NRG1: variants seen among roughly 807,000 people sequenced by gnomAD.
The protein encoded by NRG1 is pro-neuregulin-1, membrane-bound isoform.
Under a neutral mutation model 63.8 loss-of-function variants are expected in NRG1, and 18 were observed. The ratio of observed to expected loss-of-function variants is 0.28; its 90% confidence interval spans 0.19 to 0.42. The LOEUF is 0.42. NRG1 is among the 10% of genes least tolerant of loss of function. The pLI is 1.00. For synonymous variants in NRG1, 302 were observed against 301.3 expected (o/e 1.00, Z -0.02); for missense variants, 762 against 814.7 (o/e 0.94, Z 0.79).
intron 5 of NRG1, among the ~76,000 whole-genome samples, chr8:32,687,292 A>C (rs1202819181): frequency 6.6e-6 from 1 of 152,166 alleles, no homozygotes; most frequent in South Asian, 2.1e-4. Flanking sequence ...AAACTATTTT[A>C]GGAGGAAGGT....
chr8:31,658,073 A>T (rs1475808539), intron 1 of NRG1, among the ~76,000 whole-genome samples: 2 of 152,214 alleles, frequency 1.3e-5, no homozygotes, highest in African/African-American at 4.8e-5. Flanking sequence ...AATCAGATCC[A>T]CTTGGACAAA....
intron 1 of NRG1, among the ~76,000 whole-genome samples, chr8:32,101,391 T>A (rs890111554): frequency 6.6e-6 from 1 of 151,470 alleles, no homozygotes. Flanking sequence ...GAAACAACTA[T>A]GAGGAATAAA....
chr8:32,526,287 T>C (rs1175086959), intron 1 of NRG1, among the ~76,000 whole-genome samples: 1 of 152,246 alleles, frequency 6.6e-6, no homozygotes, highest in Non-Finnish European at 1.5e-5. Flanking sequence ...TCTTGTTCTT[T>C]AGTGACTCTG....
intron 1 of NRG1, among the ~76,000 whole-genome samples, chr8:32,491,427 C>T (rs116522363): frequency 0.013 from 1,928 of 152,214 alleles, 44 homozygotes; most frequent in African/African-American, 0.044. Flanking sequence ...AAAGATGCTT[C>T]ACTGCTTACA....
intron 1 of NRG1, among the ~76,000 whole-genome samples, chr8:31,919,566 G>A (rs1298921008): frequency 1.3e-5 from 2 of 152,070 alleles, no homozygotes; most frequent in Non-Finnish European, 2.9e-5. Context: ...GGAGGCAGCT[G>A]TTAAAATTTG....
chr8:31,823,832 T>C (rs1156316222), intron 1 of NRG1, among the ~76,000 whole-genome samples: 2 of 152,182 alleles, frequency 1.3e-5, no homozygotes, highest in Admixed American at 1.3e-4. Flanking sequence ...GCTATCATTA[T>C]TCCATTTCAA....
intron 1 of NRG1, among the ~76,000 whole-genome samples, chr8:31,876,217 A>G (rs1273414291): frequency 1.3e-5 from 2 of 152,226 alleles, no homozygotes; most frequent in Admixed American, 6.5e-5. Flanking sequence ...CTAAGTTAGG[A>G]TATGACTTAA....
At chr8:32,068,444 GAT>G (rs1347898174) in intron 1 of NRG1, among the ~76,000 whole-genome samples, 1 of 152,172 alleles carries the variant, frequency 6.6e-6, no homozygotes, top group African/African-American at 2.4e-5. Flanking sequence ...GCCAGAAGAT[GAT>G]GGATCCAACA....
At chr8:32,496,104 A>AT (rs1009900496) in intron 1 of NRG1, among the ~76,000 whole-genome samples, 86 of 152,246 alleles carry the variant, frequency 5.6e-4, no homozygotes, top group African/African-American at 1.9e-3. Context: ...AAATTGTTCA[A>AT]TTTTTTCACA....
At chr8:31,719,713 C>T (rs1812711125) in intron 1 of NRG1, among the ~76,000 whole-genome samples, 1 of 152,144 alleles carries the variant, frequency 6.6e-6, no homozygotes, top group Non-Finnish European at 1.5e-5. Context: ...GGCACACCCT[C>T]TTCTGGGGCA....
intron 1 of NRG1, among the ~76,000 whole-genome samples, chr8:31,763,470 G>A (rs1179929954): frequency 6.6e-6 from 1 of 152,176 alleles, no homozygotes; most frequent in East Asian, 1.9e-4. Flanking sequence ...TCCAAAGCAG[G>A]ACTTCTCTGT....
At chr8:31,905,016 A>G (rs1229285313) in intron 1 of NRG1, among the ~76,000 whole-genome samples, 2 of 144,854 alleles carry the variant, frequency 1.4e-5, no homozygotes, top group Non-Finnish European at 3.0e-5. Flanking sequence ...CTGAACCCAA[A>G]ATAAAGTTTT....
chr8:32,645,920 G>T (rs1853425429), intron 5 of NRG1, among the ~76,000 whole-genome samples: 1 of 152,194 alleles, frequency 6.6e-6, no homozygotes, highest in Admixed American at 6.5e-5. Flanking sequence ...TGAAACTACT[G>T]AAAGGTAAAG....
chr8:32,647,482 A>G, intron 5 of NRG1: 1 of 985,318 alleles, frequency 1.0e-6, no homozygotes, highest in South Asian at 4.7e-5. Context: ...AGAACTAGAA[A>G]AGTGGCCCAG....
chr8:32,465,330 T>C (rs995264758), intron 1 of NRG1, among the ~76,000 whole-genome samples: 1 of 152,244 alleles, frequency 6.6e-6, no homozygotes, highest in Non-Finnish European at 1.5e-5. Flanking sequence ...GCCATCACCA[T>C]ATCATAAACG....
At chr8:32,759,104 C>T (rs1177741368) in intron 9 of NRG1, among the ~76,000 whole-genome samples, 1 of 151,750 alleles carries the variant, frequency 6.6e-6, no homozygotes, top group African/African-American at 2.4e-5. Flanking sequence ...TAACTCTATT[C>T]ATCTAATCTA....
chr8:32,632,334 C>T (rs1384175018), intron 5 of NRG1, among the ~76,000 whole-genome samples: 1 of 152,062 alleles, frequency 6.6e-6, no homozygotes, highest in Non-Finnish European at 1.5e-5. Flanking sequence ...GGGCGGATCA[C>T]CTGAGGTCAG....
At chr8:32,732,188 AT>A (rs1323537593) in intron 6 of NRG1, among the ~76,000 whole-genome samples, 16 of 152,336 alleles carry the variant, frequency 1.1e-4, no homozygotes, top group East Asian at 9.6e-4. Context: ...GTAATTTAAA[AT>A]TTATTCTGTG....
intron 1 of NRG1, among the ~76,000 whole-genome samples, chr8:31,969,715 C>G (rs1440920784): frequency 6.6e-6 from 1 of 152,170 alleles, no homozygotes; most frequent in Non-Finnish European, 1.5e-5. Context: ...TACACAGAAA[C>G]CTAATTTACC....
Sources: gnomAD v4.1 joint callset for allele counts (sites outside exome capture counted in the v4.1 genomes callset) on GRCh38, gnomAD v4.1.1 for gene constraint, MANE v1.5 for transcripts, NCBI Gene and HGNC (gene_info 2026-07-23, HGNC 2026-07-21) for gene names.